The following SLC8A3 variants were observed in gnomAD, a reference collection of about 807,000 sequenced individuals.
SLC8A3 encodes the protein solute carrier family 8 member A3, also known as sodium/calcium exchanger 3.
SLC8A3 carries 37 observed loss-of-function variants against 65.4 expected under a neutral mutation model. That is an observed-to-expected ratio of 0.57 (90% CI 0.44 to 0.74). SLC8A3 has a LOEUF of 0.74. SLC8A3 is among the 30% of genes least tolerant of loss of function. The pLI, the probability that SLC8A3 is intolerant of heterozygous loss-of-function variation, is 0.00. For missense variants in SLC8A3, 1,112 were observed against 1,172.1 expected (o/e 0.95, Z 0.75); for synonymous variants, 461 against 444.5 (o/e 1.04, Z -0.47).
chr14:70,117,660 A>T (rs924122006), intron 2 of SLC8A3, among the ~76,000 whole-genome samples: 1 of 152,068 alleles, frequency 6.6e-6, no homozygotes, highest in Non-Finnish European at 1.5e-5. Flanking sequence ...TAGAGAGACT[A>T]CTTCTCCTGG....
chr14:70,052,436 G>A (rs1423242977), intron 3 of SLC8A3, among the ~76,000 whole-genome samples: 1 of 152,176 alleles, frequency 6.6e-6, no homozygotes, highest in Non-Finnish European at 1.5e-5. Flanking sequence ...TGGGAAGAAA[G>A]GGCAAGTGTT....
At position 70,078,079 on chromosome 14, in the gene SLC8A3, T is replaced by A. The variant is rs143064320; in HGVS notation, c.1785-17140A>T. Among the ~76,000 whole-genome samples, 33 of 152,338 alleles carry A rather than the reference T, an allele frequency of 2.2e-4. 1 individual carries two copies. The South Asian group carries it at 5.0e-3, about 23-fold the overall frequency. ...CTGATCCCTTGGTTAAAAACATGTT[T>A]GTTTATATGGCACATCTCAGGGCTG... On this transcript the variant is annotated intron_variant, in intron 2 of 6. Coordinates refer to ENST00000356921, the MANE Select transcript of SLC8A3 (RefSeq NM_182932.3).
intron 2 of SLC8A3, among the ~76,000 whole-genome samples, chr14:70,066,983 G>C (rs908831454): frequency 1.3e-5 from 2 of 152,142 alleles, no homozygotes; most frequent in East Asian, 1.9e-4. Context: ...GTCCTATCAT[G>C]CATCCTGTAA....
chr14:70,044,770 C>T lies in SLC8A3; in HGVS notation c.*1177G>A, dbSNP rs1886569958. 6.6e-6 allele frequency: 1 copy of T among 152,196 alleles called. No individual in the cohort carries two copies. Among genetic ancestry groups the T allele is most frequent in the African/African-American group, 2.4e-5 (1 of 41,454 alleles). The allele number at this position is 152,196 out of a possible 1,614,324, so 9.4% of individuals were successfully genotyped here. ...AGCCCCTGGTTCTCTTATAAAATCT[C>T]TAAGTTTTTACACCACTTCAAGAAA... is the stretch of plus-strand genomic sequence containing the variant. On this transcript the variant is annotated 3_prime_UTR_variant, in exon 7 of 7. Transcript: ENST00000356921.
chr14:70,105,222 G>A (rs188110193), intron 2 of SLC8A3, among the ~76,000 whole-genome samples: 69 of 152,180 alleles, frequency 4.5e-4, no homozygotes, highest in African/African-American at 1.5e-3. Context: ...CCAGCTGCTC[G>A]GGAGGCTGAG....
At chr14:70,177,828 A>C (rs1008817832) in intron 1 of SLC8A3, among the ~76,000 whole-genome samples, 5 of 152,158 alleles carry the variant, frequency 3.3e-5, no homozygotes, top group African/African-American at 9.7e-5. Context: ...TTTCTTTTGG[A>C]TAGGCAACCT....
At chr14:70,052,610 GT>G (rs1311350407) in intron 3 of SLC8A3, among the ~76,000 whole-genome samples, 2 of 150,528 alleles carry the variant, frequency 1.3e-5, no homozygotes, top group Non-Finnish European at 3.0e-5. Flanking sequence ...CAGTTTTTTT[GT>G]TTTTTGTTTT....
intron 2 of SLC8A3, among the ~76,000 whole-genome samples, chr14:70,099,250 CT>C (rs1892398807): frequency 6.6e-6 from 1 of 152,122 alleles, no homozygotes; most frequent in Non-Finnish European, 1.5e-5. Flanking sequence ...ATGAGCTGTT[CT>C]TGTAAGGTTT....
In SLC8A3 at chr14:70,116,321, C is replaced by CTGTGTGTGTGTG. The variant is rs55890014; in HGVS notation, c.1784+50306_1784+50317dup. ...AACTAAATGGCGAGCATTGAGAACACTGTGTGTGTGTGTGTGTGTGTGTGT... is the reference window on the plus strand; with the variant it reads ...AACTAAATGGCGAGCATTGAGAACACTGTGTGTGTGTGTGTGTGTGTGTGTGTGTGTGTGTGT... On this transcript the variant is annotated intron_variant, in intron 2 of 6. Coordinates refer to ENST00000356921, the MANE Select transcript of SLC8A3 (RefSeq NM_182932.3). 3.5e-3 allele frequency among the ~76,000 whole-genome samples: 523 copies of CTGTGTGTGTGTG among 147,766 alleles called. 2 individuals are homozygous for CTGTGTGTGTGTG. The highest frequency in any genetic ancestry group is 0.012 in the African/African-American group (492 of 39,762).
intron 2 of SLC8A3, among the ~76,000 whole-genome samples, chr14:70,074,203 G>A (rs1890272814): frequency 6.6e-6 from 1 of 152,226 alleles, no homozygotes. Context: ...GTTAGCTACT[G>A]TCCCCATTTG....
intron 1 of SLC8A3, among the ~76,000 whole-genome samples, chr14:70,185,452 C>CA (rs1883122246): frequency 6.6e-6 from 1 of 152,238 alleles, no homozygotes; most frequent in South Asian, 2.1e-4. Flanking sequence ...CCTGCACAGG[C>CA]AAAGGGCAGG....
chr14:70,088,151 A>G (rs1272137187), intron 2 of SLC8A3, among the ~76,000 whole-genome samples: 1 of 152,240 alleles, frequency 6.6e-6, no homozygotes, highest in Non-Finnish European at 1.5e-5. Context: ...CTGAAACAAG[A>G]AAATATGAAG....
chr14:70,057,336 A>AGATAGATG (rs1203693033), intron 3 of SLC8A3, among the ~76,000 whole-genome samples: 1 of 151,988 alleles, frequency 6.6e-6, no homozygotes, highest in African/African-American at 2.4e-5. Flanking sequence ...ATAGATAGAT[A>AGATAGATG]GGCAAGAGCT....
intron 4 of SLC8A3, among the ~76,000 whole-genome samples, 194 bp from the exon 5 acceptor site, chr14:70,051,301 TG>T (rs1343172824): frequency 6.6e-6 from 1 of 152,196 alleles, no homozygotes; most frequent in Non-Finnish European, 1.5e-5. Flanking sequence ...CTTTTTGTTT[TG>T]TTTTGTTTGA....
chr14:70,155,684 T>C (rs1484112192), intron 2 of SLC8A3, among the ~76,000 whole-genome samples: 1 of 152,264 alleles, frequency 6.6e-6, no homozygotes, highest in Non-Finnish European at 1.5e-5. Flanking sequence ...GTAAGCTTTC[T>C]CAGAGGCCTG....
At chr14:70,090,054 A>G (rs1594966410) in intron 2 of SLC8A3, among the ~76,000 whole-genome samples, 1 of 151,942 alleles carries the variant, frequency 6.6e-6, no homozygotes, top group East Asian at 1.9e-4. Context: ...TTTTTTTAAC[A>G]TATTTTGCTA....
At chr14:70,047,551 A>C (rs888643848) in intron 6 of SLC8A3, 5 of 152,226 alleles carry the variant, frequency 3.3e-5, no homozygotes, top group African/African-American at 1.2e-4. Context: ...CTCTTGCATC[A>C]CTAATGGACA....
At chr14:70,166,341 C>T in intron 2 of SLC8A3, among the ~76,000 whole-genome samples, 1 of 152,232 alleles carries the variant, frequency 6.6e-6, no homozygotes, top group African/African-American at 2.4e-5. Context: ...CACAAAACTT[C>T]TGTCATCCCA....
chr14:70,146,901 A>G (rs1464169637), intron 2 of SLC8A3, among the ~76,000 whole-genome samples: 4 of 152,228 alleles, frequency 2.6e-5, no homozygotes, highest in Non-Finnish European at 4.4e-5. Context: ...GCTGTTGCCT[A>G]GAGAGTTCAG....
Sources: allele counts gnomAD v4.1 joint callset (sites outside exome capture counted in the v4.1 genomes callset), GRCh38; gene constraint gnomAD v4.1.1; transcripts MANE v1.5; gene names NCBI Gene and HGNC (gene_info 2026-07-23, HGNC 2026-07-21).